Variants in DTNA observed in about 807,000 individuals in gnomAD.
The protein encoded by DTNA is dystrophin-related protein 3.
A neutral mutation model predicts 100.7 loss-of-function variants in DTNA; 43 were observed. That is an observed-to-expected ratio of 0.43 (90% CI 0.33 to 0.55). DTNA has a LOEUF of 0.55. Among genes scored for constraint, DTNA ranks in the 20% least tolerant of loss-of-function variants. The pLI is 0.04. For missense variants in DTNA, 798 were observed against 953.9 expected, an observed-to-expected ratio of 0.84 and a Z score of 2.15; for synonymous variants, 349 against 347.9, an observed-to-expected ratio of 1.00 and a Z score of -0.04.
At chr18:34,761,969 A>G (rs1443656650) in intron 2 of DTNA, among the ~76,000 whole-genome samples, 1 of 152,168 alleles carries the variant, frequency 6.6e-6, no homozygotes, top group African/African-American at 2.4e-5. Context: ...AAAATTCTGT[A>G]CTTTTTTATT....
chr18:34,815,698 A>G (rs930755978), intron 6 of DTNA: 7 of 523,818 alleles, frequency 1.3e-5, no homozygotes, highest in Admixed American at 3.1e-5. Flanking sequence ...CAGTGGAGAG[A>G]ATTCAGTCCT....
At chr18:34,841,977 G>A (rs1411691302) in intron 13 of DTNA, among the ~76,000 whole-genome samples, 1 of 152,172 alleles carries the variant, frequency 6.6e-6, no homozygotes, top group African/African-American at 2.4e-5. Context: ...CAGCTCAAGG[G>A]AGAATTTCTG....
intron 4 of DTNA, among the ~76,000 whole-genome samples, chr18:34,804,303 T>C (rs965824351): frequency 1.3e-5 from 2 of 152,132 alleles, no homozygotes; most frequent in African/African-American, 4.8e-5. Context: ...GGGTGTGCCA[T>C]GAGCAAACGT....
At chr18:34,517,937 A>C (rs1432850595) in intron 1 of DTNA, among the ~76,000 whole-genome samples, 1 of 152,132 alleles carries the variant, frequency 6.6e-6, no homozygotes. Flanking sequence ...TGTGAAAGTA[A>C]ACTTTCATTT....
chr18:34,563,675 A>G (rs1032144262), intron 1 of DTNA, among the ~76,000 whole-genome samples: 1 of 152,134 alleles, frequency 6.6e-6, no homozygotes, highest in Admixed American at 6.5e-5. Flanking sequence ...TTTAAGTTTC[A>G]TTGAGTTATA....
chr18:34,800,740 C>T (rs1429467565), intron 4 of DTNA, among the ~76,000 whole-genome samples: 1 of 152,186 alleles, frequency 6.6e-6, no homozygotes, highest in African/African-American at 2.4e-5. Context: ...AAAAGAACTT[C>T]AAGTTTCTCA....
chr18:34,862,199 G>A (rs1486585940), intron 16 of DTNA, among the ~76,000 whole-genome samples: 1 of 150,842 alleles, frequency 6.6e-6, no homozygotes, highest in East Asian at 1.9e-4. Flanking sequence ...CTTGAATGGG[G>A]CAAGGCTTTT....
chr18:34,520,685 G>A (rs1408481367), intron 1 of DTNA, among the ~76,000 whole-genome samples: 2 of 151,950 alleles, frequency 1.3e-5, no homozygotes, highest in African/African-American at 4.8e-5. Context: ...AAAAAATAAA[G>A]TTCTTTCCAG....
At chr18:34,537,555 A>C (rs777838636) in intron 1 of DTNA, among the ~76,000 whole-genome samples, 1 of 152,030 alleles carries the variant, frequency 6.6e-6, no homozygotes, top group Non-Finnish European at 1.5e-5. Context: ...CATATTCTCT[A>C]CAAAGAAAGT....
At chr18:34,634,531 T>C (rs994268740) in intron 1 of DTNA, among the ~76,000 whole-genome samples, 2 of 152,224 alleles carry the variant, frequency 1.3e-5, no homozygotes, top group Non-Finnish European at 2.9e-5. Flanking sequence ...TAATTGCTTC[T>C]GCATTTGATC....
At chr18:34,869,240 T>C (rs1340871666) in intron 17 of DTNA, among the ~76,000 whole-genome samples, 2 of 152,210 alleles carry the variant, frequency 1.3e-5, no homozygotes, top group African/African-American at 4.8e-5. Flanking sequence ...TATGAATGTA[T>C]GTATATAGGT....
chr18:34,866,850 C>T (rs1040925641), intron 17 of DTNA: 32 of 1,028,788 alleles, frequency 3.1e-5, no homozygotes, highest in Non-Finnish European at 3.6e-5. Flanking sequence ...CTTTCGGCTC[C>T]GGGAGACGAG....
chr18:34,659,875 T>A (rs2074947350), intron 1 of DTNA, among the ~76,000 whole-genome samples: 1 of 152,244 alleles, frequency 6.6e-6, no homozygotes, highest in South Asian at 2.1e-4. Flanking sequence ...ATGCCAGTAA[T>A]GGCTGCCTAC....
chr18:34,559,521 A>G (rs2046440153), intron 1 of DTNA, among the ~76,000 whole-genome samples: 1 of 152,256 alleles, frequency 6.6e-6, no homozygotes, highest in Non-Finnish European at 1.5e-5. Context: ...GTCTAATACT[A>G]CGAAGAGAAC....
intron 1 of DTNA, among the ~76,000 whole-genome samples, chr18:34,494,982 AC>A (rs2039029272): frequency 6.6e-6 from 1 of 152,022 alleles, no homozygotes; most frequent in Non-Finnish European, 1.5e-5. Context: ...AGATTTATTC[AC>A]TGTCTTAATT....
At chr18:34,675,021 G>C (rs548350938) in intron 1 of DTNA, among the ~76,000 whole-genome samples, 1 of 152,254 alleles carries the variant, frequency 6.6e-6, no homozygotes, top group Admixed American at 6.5e-5. Flanking sequence ...GACTTACCTT[G>C]TTCAACTTCA....
intron 1 of DTNA, among the ~76,000 whole-genome samples, chr18:34,744,810 G>A (rs2091302119): frequency 6.6e-6 from 1 of 152,054 alleles, no homozygotes; most frequent in African/African-American, 2.4e-5. Flanking sequence ...TGTCTGTGTG[G>A]GCAGTGCCCC....
intron 3 of DTNA, among the ~76,000 whole-genome samples, chr18:34,789,066 A>G (rs1428232491): frequency 1.3e-5 from 2 of 152,186 alleles, no homozygotes; most frequent in Non-Finnish European, 2.9e-5. Context: ...TTTTATTTTT[A>G]TTAATAAAAT....
chr18:34,680,067 G>A (rs986767885), intron 1 of DTNA, among the ~76,000 whole-genome samples: 2 of 152,124 alleles, frequency 1.3e-5, no homozygotes, highest in African/African-American at 4.8e-5. Flanking sequence ...CTGTGTTTGA[G>A]ATCGGGATAA....
Sources: gnomAD v4.1 joint callset for allele counts (sites outside exome capture counted in the v4.1 genomes callset) on GRCh38, gnomAD v4.1.1 for gene constraint, MANE v1.5 for transcripts, NCBI Gene and HGNC (gene_info 2026-07-23, HGNC 2026-07-21) for gene names.